THBS2: variants seen among roughly 807,000 people sequenced by gnomAD.
THBS2 encodes the protein thrombospondin-2.
Under a neutral mutation model 135.2 loss-of-function variants are expected in THBS2, and 47 were observed. The ratio of observed to expected loss-of-function variants is 0.35; its 90% CI spans 0.28 to 0.44. The LOEUF (loss-of-function observed/expected upper bound fraction) is 0.44. Ranked by LOEUF, THBS2 falls within the 20% of genes least tolerant of loss-of-function variation. THBS2 has a pLI of 1.00. For synonymous variants in THBS2, 639 were observed against 633.8 expected, an observed-to-expected ratio of 1.01 and a Z score of -0.12; for missense variants, 1,288 against 1,603.1, an observed-to-expected ratio of 0.80 and a Z score of 3.36.
At chr6:169,244,680 C>G (rs1346489765) in intron 4 of THBS2, among the ~76,000 whole-genome samples, 1 of 151,996 alleles carries the variant, frequency 6.6e-6, no homozygotes, top group Non-Finnish European at 1.5e-5. Context: ...ACCCAAAAGC[C>G]CCACAGCCAA....
intron 8 of THBS2, 96 bp from the exon 9 acceptor site, chr6:169,237,442 T>G: frequency 1.3e-6 from 2 of 1,529,396 alleles, no homozygotes; most frequent in Non-Finnish European, 1.8e-6. Flanking sequence ...ATCTCACAGC[T>G]GCTGAGGAGA....
chr6:169,241,641 TGG>T lies in THBS2; in HGVS notation c.891+119_891+120del. On this transcript the variant is annotated intron_variant, in intron 5 of 21. Transcript: ENST00000617924. The surrounding 1 kb of genome is among the most constrained non-coding windows in gnomAD (Gnocchi z 5.5). ...CGGCAGACACCTCCCCTGTGAACTG[TGG>T]GTTTTTACATCGAGCATGAGGCACT... The T allele has an allele frequency of 9.8e-7, 1 of 1,022,984 alleles. No homozygotes were observed. The highest frequency in any genetic ancestry group is 1.4e-6 in the Non-Finnish European group (1 of 700,366). 63.4% of individuals were successfully genotyped at this position (1,022,984 alleles called of 1,614,324 possible).
intron 12 of THBS2, 105 bp from the exon 13 acceptor site, chr6:169,232,303 GC>G (rs1468695113): frequency 2.4e-6 from 3 of 1,274,792 alleles, no homozygotes; most frequent in Non-Finnish European, 3.3e-6. Context: ...CCGGTCCCAA[GC>G]GGACCCAAGT....
At chr6:169,231,352 C>A (rs572214929) in intron 13 of THBS2, among the ~76,000 whole-genome samples, 1 of 152,326 alleles carries the variant, frequency 6.6e-6, no homozygotes, top group South Asian at 2.1e-4. Context: ...GACGCCTGAG[C>A]CAGAGAAGCT....
intron 9 of THBS2, among the ~76,000 whole-genome samples, chr6:169,236,529 C>T (rs111066671): frequency 0.018 from 2,428 of 136,694 alleles, 102 homozygotes; most frequent in African/African-American, 0.064. Context: ...TCCCCATCCA[C>T]ACTCATTCCC....
At chr6:169,225,856 C>T (rs1298431387) in intron 16 of THBS2, among the ~76,000 whole-genome samples, 1 of 152,246 alleles carries the variant, frequency 6.6e-6, no homozygotes, top group Non-Finnish European at 1.5e-5. Flanking sequence ...CAACCTCGCT[C>T]CAGCTGATGA....
chr6:169,243,871 T>A (rs1336830248), intron 4 of THBS2, among the ~76,000 whole-genome samples: 1 of 152,206 alleles, frequency 6.6e-6, no homozygotes, highest in East Asian at 1.9e-4. Flanking sequence ...TGGCTCAGCC[T>A]CTTCACAAGG....
Position 169,239,595 on chromosome 6 carries a change from T to G in THBS2, c.1129+4A>C. The G allele has an allele frequency of 6.3e-7, 1 of 1,596,752 alleles. No homozygotes were observed. The highest frequency in any genetic ancestry group is 8.5e-7 in the Non-Finnish European group (1 of 1,171,914). On this transcript the variant is annotated splice_donor_region_variant and intron_variant, in intron 7 of 21. Coordinates refer to ENST00000617924, the MANE Select transcript of THBS2 (RefSeq NM_003247.5). ...GGATGCGCTTGCCGGCTGGCGATAC[T>G]CACAGTGGAGGCAGGAAGGGCAGCA... is the stretch of plus-strand genomic sequence containing the variant.
At chr6:169,251,894 C>G (rs565298678) in intron 1 of THBS2, 1 of 140,278 alleles carries the variant, frequency 7.1e-6, no homozygotes, top group South Asian at 2.4e-4. Context: ...ATTGTTTCAT[C>G]TGTCCTGGCT....
Position 169,225,278 on chromosome 6 carries a change from G to A in THBS2, c.2640C>T (p.Ser880=), listed in dbSNP as rs752041505. The A allele has an allele frequency of 8.7e-6, 14 of 1,605,672 alleles. 1 individual carries two copies. The highest frequency in any genetic ancestry group is 8.6e-5 in the Admixed American group (5 of 58,184). ...QNNQDNCPYI[S]NANQADHDRD... The stretch of plus-strand genomic sequence containing the variant: ...TGTCATGGTCAGCCTGGTTGGCGTT[G>A]GAGATGTAGGGGCAGTTGTCCTGGT... The change falls in exon 17 of 22, where the codon TCC becomes TCT. Residue 880 remains serine (S), a synonymous_variant. Coordinates refer to ENST00000617924, the MANE Select transcript of THBS2 (RefSeq NM_003247.5).
chr6:169,244,313 A>AACACACACAC lies in THBS2; in HGVS notation c.694+1874_694+1883dup, dbSNP rs35075375. On this transcript the variant is annotated intron_variant, in intron 4 of 21. Coordinates refer to ENST00000617924, the MANE Select transcript of THBS2 (RefSeq NM_003247.5). Reference sequence around the variant, plus strand: ...TGCACCTACTAGGGTGTATGCTGGTAACACACACACACACACACACACACA... The same window carrying AACACACACAC: ...TGCACCTACTAGGGTGTATGCTGGTAACACACACACACACACACACACACACACACACACA... Among the ~76,000 whole-genome samples, 513 of 147,310 alleles carry AACACACACAC rather than the reference A, an allele frequency of 3.5e-3. 4 individuals carry two copies. The highest frequency in any genetic ancestry group is 0.011 in the African/African-American group (417 of 39,700).
intron 2 of THBS2, among the ~76,000 whole-genome samples, chr6:169,250,055 T>TCC (rs1780702331): frequency 6.6e-6 from 1 of 151,816 alleles, no homozygotes; most frequent in South Asian, 2.1e-4. Flanking sequence ...AGTAATACAC[T>TCC]GAACAGAAAG....
At chr6:169,219,356 T>TGAGATGGA in intron 21 of THBS2, among the ~76,000 whole-genome samples, 2 of 79,614 alleles carry the variant, frequency 2.5e-5, no homozygotes, top group African/African-American at 6.0e-5. Flanking sequence ...GGATGGATGG[T>TGAGATGGA]TGGGTGAATG....
intron 13 of THBS2, among the ~76,000 whole-genome samples, chr6:169,231,264 A>G (rs1444035348): frequency 1.3e-5 from 2 of 152,174 alleles, no homozygotes; most frequent in Non-Finnish European, 2.9e-5. Flanking sequence ...AAGTTTCCGG[A>G]GAGAAAGGCA....
chr6:169,229,794 C>T, intron 13 of THBS2, 115 bp from the exon 14 acceptor site: 1 of 774,328 alleles, frequency 1.3e-6, no homozygotes, highest in Admixed American at 2.3e-5. Flanking sequence ...CCCCATCAGT[C>T]CTCGATCTCA....
intron 4 of THBS2, among the ~76,000 whole-genome samples, chr6:169,243,034 C>T (rs1351631651): frequency 3.5e-5 from 5 of 141,634 alleles, no homozygotes; most frequent in Admixed American, 7.0e-5. Flanking sequence ...CCCACCTTCC[C>T]ACCGCTCCCA....
chr6:169,245,708 C>A (rs182987382), intron 4 of THBS2, among the ~76,000 whole-genome samples: 1 of 149,224 alleles, frequency 6.7e-6, no homozygotes, highest in Non-Finnish European at 1.5e-5. Context: ...AGAAGAGTGG[C>A]GTGAACCCAG....
At position 169,237,608 on chromosome 6, in the gene THBS2, AC is replaced by A. The variant is rs1312162558; in HGVS notation, c.1300+16del. 6.2e-7 allele frequency: 1 copy of A among 1,611,206 alleles called. No homozygotes were observed. Among genetic ancestry groups the A allele is most frequent in the East Asian group, 2.2e-5 (1 of 44,850 alleles). On this transcript the variant is annotated intron_variant, in intron 8 of 21. Coordinates refer to ENST00000617924, the MANE Select transcript of THBS2 (RefSeq NM_003247.5). The stretch of plus-strand genomic sequence containing the variant: ...CCACCCCCACAGGCACGCGGGTGTC[AC>A]CTGCCCGACACTCACTGCGGGTGTC...
At chr6:169,217,896 G>T in intron 21 of THBS2, 67 bp from the exon 22 acceptor site, 1 of 1,460,004 alleles carries the variant, frequency 6.8e-7, no homozygotes, top group Non-Finnish European at 9.4e-7. Flanking sequence ...GATTTATTTT[G>T]TTTTACCTAG....
Sources: gnomAD v4.1 joint callset for allele counts (sites outside exome capture counted in the v4.1 genomes callset) on GRCh38, gnomAD v4.1.1 for gene constraint, Gnocchi (gnomAD v3.1) non-coding constraint, MANE v1.5 for transcripts, NCBI Gene and HGNC (gene_info 2026-07-23, HGNC 2026-07-21) for gene names.